Variants in ZBTB46 observed in about 807,000 individuals in gnomAD.
The protein encoded by ZBTB46 is zinc finger and BTB domain containing 46.
ZBTB46 carries 8 observed loss-of-function variants against 44.1 expected under a neutral mutation model. The ratio of observed to expected loss-of-function variants is 0.18; its 90% confidence interval spans 0.11 to 0.33. ZBTB46 has a LOEUF of 0.33. Among genes scored for constraint, ZBTB46 ranks in the 10% least tolerant of loss-of-function variants. ZBTB46 has a pLI of 1.00. For synonymous variants in ZBTB46, 409 were observed against 382.3 expected (o/e 1.07, Z -0.81); for missense variants, 651 against 847.7 (o/e 0.77, Z 2.88).
intron 1 of ZBTB46, chr20:63,815,142 G>A (rs571340951): frequency 5.1e-5 from 11 of 217,230 alleles, no homozygotes; most frequent in East Asian, 1.5e-4. Flanking sequence ...ACAAAAGGCC[G>A]AGAGCCCAAG....
intron 3 of ZBTB46, among the ~76,000 whole-genome samples, chr20:63,758,623 T>TA (rs1249244591): frequency 6.6e-6 from 1 of 152,120 alleles, no homozygotes; most frequent in Admixed American, 6.6e-5. Flanking sequence ...CAAATATATT[T>TA]AGCAGTCAGT....
rs1281840347 is a variant in ZBTB46, at chr20:63,814,240, AAAAAAAAAGAAAAG to A, written c.-34+16843_-34+16856del. 2.6e-5 allele frequency among the ~76,000 whole-genome samples: 4 copies of A among 151,796 alleles called. No homozygotes were observed. The East Asian group carries it at 7.7e-4, about 29-fold the overall frequency. On this transcript the variant is annotated intron_variant, in intron 1 of 4. Transcript: ENST00000245663. ...AAAGCAAGACTCCGTCTCAAAAAAA[AAAAAAAAAGAAAAG>A]AAAAAAAGAAAGGAAAAAGAAAAAA... is the stretch of plus-strand genomic sequence containing the variant.
intron 3 of ZBTB46, among the ~76,000 whole-genome samples, chr20:63,774,045 G>T (rs2092398898): frequency 1.9e-5 from 1 of 52,600 alleles, no homozygotes; most frequent in Non-Finnish European, 4.4e-5. Flanking sequence ...CTGTGTAAGT[G>T]GCACCCCCCG....
At chr20:63,785,875 G>A (rs888381600) in intron 2 of ZBTB46, among the ~76,000 whole-genome samples, 23 of 152,190 alleles carry the variant, frequency 1.5e-4, no homozygotes, top group Non-Finnish European at 3.1e-4. Context: ...AAACCCAAGG[G>A]ATTTAAGACT....
chr20:63,816,173 A>G (rs975073000), intron 1 of ZBTB46, among the ~76,000 whole-genome samples: 6 of 149,820 alleles, frequency 4.0e-5, no homozygotes, highest in Non-Finnish European at 7.4e-5. Flanking sequence ...TGCGGTGGGC[A>G]CAGATGCAGT....
Position 63,790,051 on chromosome 20 carries a change from G to C in ZBTB46, c.707C>G (p.Ser236Cys). The C allele has an allele frequency of 6.2e-7, 1 of 1,614,048 alleles. No individual in the cohort carries two copies. Among genetic ancestry groups the C allele is most frequent in the South Asian group, 1.1e-5 (1 of 91,084 alleles). Residue 236 changes from serine to cysteine, a missense_variant, in exon 2 of 5, where the codon TCT becomes TGT. Ser to Cys is a moderately radical substitution (Grantham distance 112). Coordinates refer to ENST00000245663, the MANE Select transcript of ZBTB46 (RefSeq NM_001369741.1). Reference sequence around the variant, plus strand: ...AGGCAGCTCGCTCCCTCCGTACTGAGACGGTGAAACCTGCTCTTCCTTGAT... The same window carrying C: ...AGGCAGCTCGCTCCCTCCGTACTGACACGGTGAAACCTGCTCTTCCTTGAT... ...LRIKEEQVSPSQYGGSELPSA... is the reference protein window; with the variant it reads ...LRIKEEQVSPCQYGGSELPSA...
At chr20:63,763,156 A>G (rs1174226597) in intron 3 of ZBTB46, among the ~76,000 whole-genome samples, 3 of 152,186 alleles carry the variant, frequency 2.0e-5, no homozygotes, top group Non-Finnish European at 4.4e-5. Context: ...CACTGTACCC[A>G]GCCAATAAAT....
At chr20:63,749,415 C>T (rs2092137071) in intron 4 of ZBTB46, among the ~76,000 whole-genome samples, 1 of 152,324 alleles carries the variant, frequency 6.6e-6, no homozygotes, top group East Asian at 1.9e-4. Context: ...CGGCTCACTG[C>T]CAGCTCCGCC....
At chr20:63,788,340 C>T (rs1254630696) in intron 2 of ZBTB46, 2 of 152,230 alleles carry the variant, frequency 1.3e-5, no homozygotes, top group South Asian at 4.1e-4. Flanking sequence ...CAAATCCCCA[C>T]AATTATTATT....
chr20:63,785,509 G>A (rs1172828232), intron 2 of ZBTB46, among the ~76,000 whole-genome samples: 1 of 152,080 alleles, frequency 6.6e-6, no homozygotes, highest in East Asian at 1.9e-4. Context: ...GCAGTGAGTC[G>A]AGATCACACC....
At chr20:63,819,001 G>C (rs912028411) in intron 1 of ZBTB46, among the ~76,000 whole-genome samples, 1 of 151,730 alleles carries the variant, frequency 6.6e-6, no homozygotes, top group African/African-American at 2.4e-5. Flanking sequence ...GTGAAACCCC[G>C]TTTCTACTAC....
intron 2 of ZBTB46, among the ~76,000 whole-genome samples, chr20:63,779,187 A>G (rs1405488743): frequency 3.6e-5 from 5 of 140,124 alleles, no homozygotes; most frequent in Non-Finnish European, 6.2e-5. Context: ...CATTCAGCTC[A>G]TAACAGGCTT....
At chr20:63,833,824 C>T (rs1448596844), upstream of ZBTB46, among the ~76,000 whole-genome samples, 3 of 152,334 alleles carry the variant, frequency 2.0e-5, no homozygotes, top group East Asian at 3.9e-4. Flanking sequence ...TCAGAGACAG[C>T]GCCCTGATTA....
In ZBTB46 at chr20:63,767,442, GCA is replaced by G. The variant is rs764711813; in HGVS notation, c.1222+8234_1222+8235del. On this transcript the variant is annotated intron_variant, in intron 3 of 4. Coordinates refer to ENST00000245663, the MANE Select transcript of ZBTB46 (RefSeq NM_001369741.1). The surrounding 1 kb of genome is among the most constrained non-coding windows in gnomAD (Gnocchi z 5.0). Reference sequence around the variant, plus strand: ...GGACTCGAGAAATGACCACAGAAAGGCACACACCGGCTCCCAGTCACAGCTCT... The same window carrying G: ...GGACTCGAGAAATGACCACAGAAAGGCACACCGGCTCCCAGTCACAGCTCT... Among the ~76,000 whole-genome samples the G allele has an allele frequency of 6.6e-6, 1 of 152,122 alleles. No individual in the cohort carries two copies. The highest frequency in any genetic ancestry group is 1.9e-4 in the East Asian group (1 of 5,188).
rs3068855 is a variant in ZBTB46, at chr20:63,817,715, C to CAA, written c.-34+13380_-34+13381dup. Among the ~76,000 whole-genome samples, 72 of 78,768 alleles carry CAA rather than the reference C, an allele frequency of 9.1e-4. No individual in the cohort carries two copies. The South Asian group carries it at 0.011, about 12-fold the overall frequency. The allele number at this position is 78,768 out of a possible 152,430, so 51.7% of individuals were successfully genotyped here. A position where few individuals can be genotyped will look rare whatever the true frequency, so the allele number is the denominator to read the frequency against. ...TGGGCAGCAGAGTGAGACTCTGTCT[C>CAA]AAAAAAAAAAAAAAAAGGAAGAAGA... On this transcript the variant is annotated intron_variant, in intron 1 of 4. Transcript: ENST00000245663.
At chr20:63,830,594 C>CGAG (rs2092844432) in intron 1 of ZBTB46, among the ~76,000 whole-genome samples, 1 of 150,024 alleles carries the variant, frequency 6.7e-6, no homozygotes, top group African/African-American at 2.4e-5. Context: ...TCGGCGCGGG[C>CGAG]GGCTCCGGGT....
At position 63,790,631 on chromosome 20, in the gene ZBTB46, T is replaced by C; in HGVS notation, c.127A>G (p.Lys43Glu). The change falls in exon 2 of 5, where the codon AAG becomes GAG. Residue 43 changes from lysine (K) to glutamate (E), a missense_variant. This residue lies in a region of ZBTB46 where 65 missense variants were observed against 167.9 expected (regional missense o/e 0.39). Transcript: ENST00000245663. ...VCVVVEGKVF[K>E]AHKNVLLGSS... is the part of the protein sequence containing the mutation. ...CCCAGCAGGACGTTCTTGTGCGCCT[T>C]GAAGACCTTGCCCTCCACGACCACG... 2 of 1,611,732 alleles carry C rather than the reference T, an allele frequency of 1.2e-6. No individual in the cohort carries two copies. The highest frequency in any genetic ancestry group is 1.7e-6 in the Non-Finnish European group (2 of 1,180,032).
Position 63,746,849 on chromosome 20 carries a change from C to T in ZBTB46, c.*81G>A. On this transcript the variant is annotated 3_prime_UTR_variant, in exon 5 of 5. Coordinates refer to ENST00000245663, the MANE Select transcript of ZBTB46 (RefSeq NM_001369741.1). ...GGCCGCGAGAGGGGTGAGCGTGGCC[C>T]TGGCCCCGCAGTGGAGACCCACCGG... The T allele has an allele frequency of 7.0e-7, 1 of 1,421,480 alleles. No individual in the cohort carries two copies. Among genetic ancestry groups the T allele is most frequent in the Non-Finnish European group, 9.2e-7 (1 of 1,091,088 alleles). The allele number at this position is 1,421,480 out of a possible 1,614,324, so 88.1% of individuals were successfully genotyped here.
At chr20:63,815,511 AGTGCAG>A (rs535165447) in intron 1 of ZBTB46, among the ~76,000 whole-genome samples, 15 of 96,552 alleles carry the variant, frequency 1.6e-4, no homozygotes, top group Non-Finnish European at 2.8e-4. Flanking sequence ...AGGTGCAGTG[AGTGCAG>A]GTGCAGGTGG....
Sources: allele counts gnomAD v4.1 joint callset (sites outside exome capture counted in the v4.1 genomes callset), GRCh38; gene constraint gnomAD v4.1.1; regional missense constraint gnomAD v4.1.1; non-coding constraint Gnocchi (gnomAD v3.1); transcripts MANE v1.5; gene names NCBI Gene and HGNC (gene_info 2026-07-23, HGNC 2026-07-21).